PLA2G4D: variants seen among roughly 807,000 people sequenced by gnomAD.
PLA2G4D encodes cytosolic phospholipase A2 delta.
PLA2G4D carries 80 observed loss-of-function variants against 94.4 expected under a neutral mutation model. The ratio of observed to expected loss-of-function variants is 0.85; its 90% CI spans 0.71 to 1.02. PLA2G4D has a LOEUF of 1.02. Ranked by LOEUF, PLA2G4D falls within the 50% of genes least tolerant of loss-of-function variation. The probability of loss-of-function intolerance (pLI) is 0.00; values close to 1 mark genes in which losing one functional copy is unlikely to be tolerated. For missense variants in PLA2G4D, 1,050 were observed against 1,034.7 expected (o/e 1.01, Z -0.20); for synonymous variants, 438 against 440.9 (o/e 0.99, Z 0.08).
At chr15:42,074,502 A>G (rs1232252555) in intron 13 of PLA2G4D, among the ~76,000 whole-genome samples, 1 of 152,232 alleles carries the variant, frequency 6.6e-6, no homozygotes, top group Non-Finnish European at 1.5e-5. Context: ...TGAAGAAAAA[A>G]GTTTCGAAGA....
Position 42,086,206 on chromosome 15 carries a change from CA to C in PLA2G4D, c.387+6del. On this transcript the variant is annotated splice_donor_region_variant and intron_variant, in intron 4 of 19. Coordinates refer to ENST00000290472, the MANE Select transcript of PLA2G4D (RefSeq NM_178034.4). The stretch of plus-strand genomic sequence containing the variant: ...GCCCACGGGGACTTCCCCACCCACC[CA>C]CCCACCTGGGGACTCTGGGAGAAGG... 1.2e-6 allele frequency: 1 copy of C among 846,156 alleles called. No homozygotes were observed. The highest frequency in any genetic ancestry group is 1.7e-6 in the Non-Finnish European group (1 of 586,540). The allele number at this position is 846,156 out of a possible 1,614,324, so 52.4% of individuals were successfully genotyped here.
At chr15:42,076,578 T>A (rs1286662589) in intron 13 of PLA2G4D, among the ~76,000 whole-genome samples, 1 of 152,144 alleles carries the variant, frequency 6.6e-6, no homozygotes, top group Non-Finnish European at 1.5e-5. Context: ...GAATAGGTAA[T>A]TCATGGAAGA....
Position 42,068,645 on chromosome 15 carries a change from G to A in PLA2G4D, c.*70C>T, listed in dbSNP as rs1889731125. Reference sequence around the variant, plus strand: ...CCCAGAACTCCAACCAGGAAGGCCTGTGGCTGAGCCCAGCTACAGATCAGG... The same window carrying A: ...CCCAGAACTCCAACCAGGAAGGCCTATGGCTGAGCCCAGCTACAGATCAGG... On this transcript the variant is annotated 3_prime_UTR_variant, in exon 20 of 20. Transcript: ENST00000290472. 1 of 1,451,650 alleles carries A rather than the reference G, an allele frequency of 6.9e-7. No homozygotes were observed. The highest frequency in any genetic ancestry group is 1.4e-5 in the African/African-American group (1 of 70,892). 89.9% of individuals were successfully genotyped at this position (1,451,650 alleles called of 1,614,324 possible). A position where few individuals can be genotyped will look rare whatever the true frequency, so the allele number is the denominator to read the frequency against.
At chr15:42,091,713 G>A (rs1595600554) in intron 1 of PLA2G4D, among the ~76,000 whole-genome samples, 2 of 152,140 alleles carry the variant, frequency 1.3e-5, no homozygotes, top group African/African-American at 4.8e-5. Flanking sequence ...CAGTAGTCAC[G>A]CTCCTAGTCT....
At chr15:42,092,703 C>T (rs986296404) in intron 1 of PLA2G4D, among the ~76,000 whole-genome samples, 1 of 152,160 alleles carries the variant, frequency 6.6e-6, no homozygotes, top group Non-Finnish European at 1.5e-5. Context: ...TGCGCAGGGA[C>T]CCCAGAGGCT....
intron 1 of PLA2G4D, among the ~76,000 whole-genome samples, chr15:42,090,835 A>G (rs1255118348): frequency 6.6e-6 from 1 of 152,214 alleles, no homozygotes; most frequent in Non-Finnish European, 1.5e-5. Flanking sequence ...GACATCCATT[A>G]GGACTGCAAT....
rs1890115127 is a variant in PLA2G4D at position 42,085,088 on chromosome 15, G to A, written c.471+8C>T. Reference sequence around the variant, plus strand: ...GGCCCCTCCCCTAAGCCTGGGGAAGGTGCTTACCACAATGACTTTGTTGGT... The same window carrying A: ...GGCCCCTCCCCTAAGCCTGGGGAAGATGCTTACCACAATGACTTTGTTGGT... On this transcript the variant is annotated splice_region_variant and intron_variant, in intron 6 of 19. Coordinates refer to ENST00000290472, the MANE Select transcript of PLA2G4D (RefSeq NM_178034.4). 1.2e-6 allele frequency: 2 copies of A among 1,614,160 alleles called. No homozygotes were observed. The highest frequency in any genetic ancestry group is 1.7e-6 in the Non-Finnish European group (2 of 1,180,010).
chr15:42,067,268 G>A lies in PLA2G4D; in HGVS notation c.*1447C>T, dbSNP rs1439832547. ...AATGTGCTAGCAGCTGGCCGTGGTG[G>A]CTCACACCAGTAATCCCAGCACTTT... On this transcript the variant is annotated 3_prime_UTR_variant, in exon 20 of 20. Transcript: ENST00000290472. The A allele has an allele frequency of 6.6e-6, 1 of 152,474 alleles. No individual in the cohort carries two copies. The highest frequency in any genetic ancestry group is 1.5e-5 in the Non-Finnish European group (1 of 68,188). 9.4% of individuals were successfully genotyped at this position (152,474 alleles called of 1,614,324 possible).
intron 1 of PLA2G4D, among the ~76,000 whole-genome samples, chr15:42,090,624 A>G (rs533438374): frequency 1.2e-4 from 19 of 152,334 alleles, no homozygotes; most frequent in African/African-American, 4.6e-4. Context: ...ACCTGGGCAC[A>G]GCCCCTGGTC....
chr15:42,077,128 G>C (rs1449572241), intron 13 of PLA2G4D, among the ~76,000 whole-genome samples: 1 of 152,128 alleles, frequency 6.6e-6, no homozygotes, highest in Non-Finnish European at 1.5e-5. Context: ...GGACCTGATG[G>C]CTTCACTGCT....
At chr15:42,092,423 A>C (rs1176726949) in intron 1 of PLA2G4D, among the ~76,000 whole-genome samples, 1 of 152,182 alleles carries the variant, frequency 6.6e-6, no homozygotes, top group African/African-American at 2.4e-5. Flanking sequence ...CTAGATTTTC[A>C]TAGATTTGTC....
Position 42,069,993 on chromosome 15 carries a change from A to G in PLA2G4D, c.2146T>C (p.Phe716Leu). Reference sequence around the variant, plus strand: ...GCCTCGGGGCAGGCGGGGTCTGAGAAGAGGTGGCATTCCCTTGGCTGGTGC... The same window carrying G: ...GCCTCGGGGCAGGCGGGGTCTGAGAGGAGGTGGCATTCCCTTGGCTGGTGC... ...DQHQPRECHL[F>L]SDPACPEAPI... Residue 716 changes from phenylalanine to leucine, a missense_variant, in exon 19 of 20, where the codon TTC becomes CTC. Physicochemically the swap from Phe to Leu is conservative, Grantham distance 22 (BLOSUM62 0). Transcript: ENST00000290472. 1.3e-6 allele frequency: 2 copies of G among 1,490,312 alleles called. No homozygotes were observed. Among genetic ancestry groups the G allele is most frequent in the Non-Finnish European group, 1.8e-6 (2 of 1,124,554 alleles). 92.3% of individuals were successfully genotyped at this position (1,490,312 alleles called of 1,614,324 possible).
At chr15:42,069,523 C>T (rs1475179420) in intron 19 of PLA2G4D, among the ~76,000 whole-genome samples, 1 of 152,080 alleles carries the variant, frequency 6.6e-6, no homozygotes, top group East Asian at 1.9e-4. Flanking sequence ...TCGGGAGCCC[C>T]TGAGGAGAGG....
rs145526723 is a variant in PLA2G4D at position 42,071,290 on chromosome 15, G to A, written c.1709C>T (p.Thr570Ile). The change falls in exon 17 of 20, where the codon ACC (threonine) becomes ATC (isoleucine). Residue 570 changes from threonine to isoleucine, a missense_variant. Thr to Ile is a moderately conservative substitution (Grantham distance 89, BLOSUM62 -1). Coordinates refer to ENST00000290472, the MANE Select transcript of PLA2G4D (RefSeq NM_178034.4). Reference sequence around the variant, plus strand: ...CCACGAGGCCTCCAGCCGCGAGGAGGTCCCCGAGGTGGTCAGGGGCTCCTT... The same window carrying A: ...CCACGAGGCCTCCAGCCGCGAGGAGATCCCCGAGGTGGTCAGGGGCTCCTT... ...LEKEPLTTSG[T>I]SSRLEASWLQ... is the part of the protein sequence containing the mutation. 3.7e-4 allele frequency: 592 copies of A among 1,592,060 alleles called. No individual in the cohort carries two copies. Among genetic ancestry groups the A allele is most frequent in the South Asian group, 7.4e-4 (65 of 88,140 alleles).
intron 13 of PLA2G4D, among the ~76,000 whole-genome samples, chr15:42,073,848 A>T (rs1889872380): frequency 6.6e-6 from 1 of 152,162 alleles, no homozygotes. Context: ...CAACACACCC[A>T]GTGTGTGTGT....
intron 1 of PLA2G4D, among the ~76,000 whole-genome samples, chr15:42,090,028 G>T (rs371892931): frequency 3.3e-5 from 5 of 152,152 alleles, no homozygotes; most frequent in African/African-American, 1.2e-4. Flanking sequence ...CCCAGAACAT[G>T]GTATTATTGG....
At position 42,071,823 on chromosome 15, in the gene PLA2G4D, C is replaced by T; in HGVS notation, c.1524G>A (p.Met508Ile). ...CCGGGATCCTCCTCATCAGCCGTCCCATGAAGAACTCGGAGCCGAAGAGCT... is the reference window on the plus strand; with the variant it reads ...CCGGGATCCTCCTCATCAGCCGTCCTATGAAGAACTCGGAGCCGAAGAGCT... ...PPELFGSEFF[M>I]GRLMRRIPEP... The change falls in exon 15 of 20, where the codon ATG becomes ATA. Residue 508 changes from methionine to isoleucine, a missense_variant. Physicochemically the swap from Met to Ile is conservative, Grantham distance 10. Coordinates refer to ENST00000290472, the MANE Select transcript of PLA2G4D (RefSeq NM_178034.4). 1 of 1,614,196 alleles carries T rather than the reference C, an allele frequency of 6.2e-7. No individual in the cohort carries two copies.
Position 42,081,136 on chromosome 15 carries a change from G to A in PLA2G4D, c.958-3C>T. ...GCCATGATGCCCACAACGGGTACCTGGACCACACACAGACAGGCTGGATTA... is the reference window on the plus strand; with the variant it reads ...GCCATGATGCCCACAACGGGTACCTAGACCACACACAGACAGGCTGGATTA... On this transcript the variant is annotated splice_region_variant and splice_polypyrimidine_tract_variant and intron_variant, in intron 11 of 19. Coordinates refer to ENST00000290472, the MANE Select transcript of PLA2G4D (RefSeq NM_178034.4). 2 of 1,613,180 alleles carry A rather than the reference G, an allele frequency of 1.2e-6. No homozygotes were observed. Among genetic ancestry groups the A allele is most frequent in the Non-Finnish European group, 1.7e-6 (2 of 1,179,442 alleles).
At chr15:42,081,875 C>T (rs769531141) in intron 9 of PLA2G4D, 41 bp from the exon 10 acceptor site, 2 of 1,612,986 alleles carry the variant, frequency 1.2e-6, no homozygotes, top group Non-Finnish European at 1.7e-6. Flanking sequence ...CCCTCCTAGA[C>T]CCTAAGCGGC....
Sources: gnomAD v4.1 joint callset for allele counts (sites outside exome capture counted in the v4.1 genomes callset) on GRCh38, gnomAD v4.1.1 for gene constraint, MANE v1.5 for transcripts, NCBI Gene and HGNC (gene_info 2026-07-23, HGNC 2026-07-21) for gene names.